AGAP1: variants seen among roughly 807,000 people sequenced by gnomAD.
AGAP1 encodes ArfGAP with GTPase domain, ankyrin repeat and PH domain 1, also known as arf-GAP with GTPase, ANK repeat and PH domain-containing protein 1.
In AGAP1, 29 loss-of-function variants were observed where a neutral mutation model predicts 105.3. The observed-to-expected ratio is 0.28, with a 90% CI of 0.21 to 0.38. The LOEUF (loss-of-function observed/expected upper bound fraction) is 0.38, where lower values mean the gene tolerates loss of function less well. Among genes scored for constraint, AGAP1 ranks in the 10% least tolerant of loss-of-function variants. The probability of loss-of-function intolerance (pLI) is 1.00; values close to 1 mark genes in which losing one functional copy is unlikely to be tolerated. For synonymous variants in AGAP1, 509 were observed against 485.9 expected (o/e 1.05, Z -0.63); for missense variants, 998 against 1,165.1 (o/e 0.86, Z 2.09).
intron 1 of AGAP1, among the ~76,000 whole-genome samples, chr2:235,544,844 T>C (rs1241754069): frequency 6.6e-6 from 1 of 152,202 alleles, no homozygotes; most frequent in Non-Finnish European, 1.5e-5. Flanking sequence ...TCAGACTTGC[T>C]TTGTTTCTGT....
chr2:235,784,897 G>A (rs1392371954), intron 6 of AGAP1, among the ~76,000 whole-genome samples: 1 of 152,146 alleles, frequency 6.6e-6, no homozygotes, highest in African/African-American at 2.4e-5. Context: ...GTGCTGGGGA[G>A]AGTATTACAA....
In AGAP1 at chr2:235,953,112, G is replaced by T. The variant is rs958498899; in HGVS notation, c.1484-15350G>T. 2.6e-5 allele frequency among the ~76,000 whole-genome samples: 4 copies of T among 152,174 alleles called. No homozygotes were observed. Among genetic ancestry groups the T allele is most frequent in the African/African-American group, 7.2e-5 (3 of 41,442 alleles). On this transcript the variant is annotated intron_variant, in intron 12 of 17. Transcript: ENST00000304032. This position sits in a 1 kb window ranked among gnomAD's most constrained non-coding sequence, Gnocchi z 5.2. ...CACCTCCAATAAAGGCTTGGGAGTC[G>T]CAAGGATCCCTTTTCATAATGAAAC...
At chr2:235,827,531 CATTAATGAGCCTT>C (rs1474201623) in intron 9 of AGAP1, among the ~76,000 whole-genome samples, 9 of 152,174 alleles carry the variant, frequency 5.9e-5, no homozygotes. Context: ...CATTTTGATA[CATTAATGAGCCTT>C]ATCAATGACT....
At position 235,919,486 on chromosome 2, in the gene AGAP1, CG is replaced by C. The variant is rs1403970451; in HGVS notation, c.1324+10584del. 6.6e-6 allele frequency among the ~76,000 whole-genome samples: 1 copy of C among 152,070 alleles called. No homozygotes were observed. Among genetic ancestry groups the C allele is most frequent in the African/African-American group, 2.4e-5 (1 of 41,392 alleles). On this transcript the variant is annotated intron_variant, in intron 11 of 17. Coordinates refer to ENST00000304032, the MANE Select transcript of AGAP1 (RefSeq NM_001037131.3). The surrounding 1 kb of genome is among the most constrained non-coding windows in gnomAD (Gnocchi z 4.1). The stretch of plus-strand genomic sequence containing the variant: ...CCTCATGTTATCAGACTTGTGAGCC[CG>C]GGGTACTCCTTGGTGCTTTGTCTTC...
intron 1 of AGAP1, among the ~76,000 whole-genome samples, chr2:235,544,223 G>A (rs1393709267): frequency 6.6e-6 from 1 of 152,218 alleles, no homozygotes; most frequent in African/African-American, 2.4e-5. Flanking sequence ...TTCAGGAGGG[G>A]TCTCTTCCTG....
chr2:235,816,717 C>A (rs1958477708), intron 9 of AGAP1, among the ~76,000 whole-genome samples: 3 of 151,970 alleles, frequency 2.0e-5, no homozygotes, highest in Non-Finnish European at 4.4e-5. Context: ...ATAGCAAAAA[C>A]CCATCTCTAC....
rs1040622654 is a variant in AGAP1 at position 235,582,115 on chromosome 2, G to A, written c.163+87266G>A. 1.1e-3 allele frequency among the ~76,000 whole-genome samples: 162 copies of A among 152,272 alleles called. No homozygotes were observed. Among genetic ancestry groups the A allele is most frequent in the African/African-American group, 3.8e-3 (159 of 41,558 alleles). On this transcript the variant is annotated intron_variant, in intron 1 of 17. Transcript: ENST00000304032. The surrounding 1 kb of genome is among the most constrained non-coding windows in gnomAD (Gnocchi z 4.7). ...GCAGGAGTTGATAGTGATGCTATGG[G>A]GCTGTCTGCTCTATACGAGGAGCAG...
chr2:235,929,349 C>T (rs1051111901), intron 11 of AGAP1, among the ~76,000 whole-genome samples: 7 of 152,036 alleles, frequency 4.6e-5, no homozygotes, highest in African/African-American at 7.2e-5. Context: ...TCTGTAGGTC[C>T]GAAGACCACA....
chr2:235,648,332 C>G (rs1033841436), intron 1 of AGAP1, among the ~76,000 whole-genome samples: 3 of 152,186 alleles, frequency 2.0e-5, no homozygotes, highest in Admixed American at 2.0e-4. Context: ...CTGCAACAGG[C>G]TCTGCGGTGG....
chr2:235,688,362 C>G (rs62189237), intron 1 of AGAP1, among the ~76,000 whole-genome samples: 25,879 of 152,132 alleles, frequency 0.17, 2,689 homozygotes, highest in Admixed American at 0.32. Context: ...GGAATCTGCA[C>G]TCTCCACTTT....
At chr2:235,561,337 G>A (rs2149135944) in intron 1 of AGAP1, among the ~76,000 whole-genome samples, 1 of 152,330 alleles carries the variant, frequency 6.6e-6, no homozygotes, top group South Asian at 2.1e-4. Context: ...GGGGTCTGCG[G>A]GTAAGAACAG....
At chr2:235,496,057 A>G (rs1011980691) in intron 1 of AGAP1, among the ~76,000 whole-genome samples, 4 of 152,346 alleles carry the variant, frequency 2.6e-5, no homozygotes, top group South Asian at 2.1e-4. Flanking sequence ...CCTTGGCACT[A>G]TGTAGTCTGA....
In AGAP1 at chr2:235,750,935, C is replaced by G. The variant is rs1051631431; in HGVS notation, c.673+447C>G. Among the ~76,000 whole-genome samples, 1 of 152,020 alleles carries G rather than the reference C, an allele frequency of 6.6e-6. No individual in the cohort carries two copies. Among genetic ancestry groups the G allele is most frequent in the Non-Finnish European group, 1.5e-5 (1 of 68,012 alleles). ...AGGAGAGAGAGAGTCAAGTTTGGAC[C>G]TCCCCCCACCAAAAAAATAATAAAA... On this transcript the variant is annotated intron_variant, in intron 6 of 17. Transcript: ENST00000304032. The surrounding 1 kb of genome is among the most constrained non-coding windows in gnomAD (Gnocchi z 5.3).
chr2:235,847,180 A>G (rs990027236), intron 9 of AGAP1, among the ~76,000 whole-genome samples: 7 of 152,230 alleles, frequency 4.6e-5, no homozygotes, highest in Non-Finnish European at 8.8e-5. Flanking sequence ...GGTGCCTGTA[A>G]GAATGGTGGT....
intron 13 of AGAP1, among the ~76,000 whole-genome samples, chr2:236,024,333 G>A (rs900884359): frequency 2.0e-5 from 3 of 152,048 alleles, no homozygotes; most frequent in Admixed American, 6.5e-5. Flanking sequence ...CACTGCGCCC[G>A]GCCCCATCAA....
rs1196521858 is a variant in AGAP1 at position 236,078,043 on chromosome 2, G to GTA, written c.2114+28763_2114+28764insAT. On this transcript the variant is annotated intron_variant, in intron 16 of 17. Coordinates refer to ENST00000304032, the MANE Select transcript of AGAP1 (RefSeq NM_001037131.3). The surrounding 1 kb of genome is among the most constrained non-coding windows in gnomAD (Gnocchi z 5.3). Reference sequence around the variant, plus strand: ...CTCCAGAGAAACAACCAATTTGTGTGTGTGTGTGTGTGTGTGTGTGTGTGT... The same window carrying GTA: ...CTCCAGAGAAACAACCAATTTGTGTGTATGTGTGTGTGTGTGTGTGTGTGTGT... Among the ~76,000 whole-genome samples the GTA allele has an allele frequency of 6.9e-6, 1 of 145,478 alleles. No individual in the cohort carries two copies. The highest frequency in any genetic ancestry group is 1.5e-5 in the Non-Finnish European group (1 of 67,520).
intron 1 of AGAP1, among the ~76,000 whole-genome samples, chr2:235,629,240 A>G (rs945724742): frequency 2.7e-5 from 4 of 149,978 alleles, no homozygotes; most frequent in Non-Finnish European, 5.9e-5. Flanking sequence ...CCGTTAATTC[A>G]TTCCTTCTTA....
chr2:235,790,588 C>A (rs774143891), intron 6 of AGAP1, among the ~76,000 whole-genome samples: 1 of 152,222 alleles, frequency 6.6e-6, no homozygotes, highest in East Asian at 1.9e-4. Context: ...GAATAACCCC[C>A]CATTGCCTTA....
intron 1 of AGAP1, among the ~76,000 whole-genome samples, chr2:235,627,977 G>A (rs1363374115): frequency 6.6e-6 from 1 of 152,126 alleles, no homozygotes; most frequent in African/African-American, 2.4e-5. Flanking sequence ...AAAAGAAGGG[G>A]GGCATAGGCT....
Sources: allele counts gnomAD v4.1 joint callset (sites outside exome capture counted in the v4.1 genomes callset), GRCh38; gene constraint gnomAD v4.1.1; non-coding constraint Gnocchi (gnomAD v3.1); transcripts MANE v1.5; gene names NCBI Gene and HGNC (gene_info 2026-07-23, HGNC 2026-07-21).